Variants in NGEF observed in about 807,000 individuals in gnomAD.
NGEF encodes ephexin-1.
NGEF carries 31 observed loss-of-function variants against 80.9 expected under a neutral mutation model. The ratio of observed to expected loss-of-function variants is 0.38; its 90% CI spans 0.29 to 0.52. The LOEUF (loss-of-function observed/expected upper bound fraction) is 0.52. Among genes scored for constraint, NGEF ranks in the 20% least tolerant of loss-of-function variants. The probability of loss-of-function intolerance (pLI) is 0.84; values close to 1 mark genes in which losing one functional copy is unlikely to be tolerated. For synonymous variants in NGEF, 371 were observed against 370.2 expected (o/e 1.00, Z -0.03); for missense variants, 709 against 926.2 (o/e 0.77, Z 3.04).
intron 5 of NGEF, among the ~76,000 whole-genome samples, chr2:232,899,408 G>C (rs377048554): frequency 6.6e-6 from 1 of 152,238 alleles, no homozygotes. Context: ...CCCATTCCTG[G>C]CCTGGATTCC....
chr2:232,976,815 GGACCCAGCAATACCT>G (rs1694304655), intron 1 of NGEF, among the ~76,000 whole-genome samples: 1 of 152,208 alleles, frequency 6.6e-6, no homozygotes, highest in South Asian at 2.1e-4. Context: ...GTCGTCTGGG[GGACCCAGCAATACCT>G]GACCCTTCTG....
chr2:232,990,013 T>A (rs1369734732), intron 1 of NGEF, among the ~76,000 whole-genome samples: 1 of 152,162 alleles, frequency 6.6e-6, no homozygotes, highest in Admixed American at 6.5e-5. Flanking sequence ...ATGCTCCCAA[T>A]AAGAGTATGG....
At position 232,892,052 on chromosome 2, in the gene NGEF, G is replaced by A. The variant is rs908710871; in HGVS notation, c.1143-565C>T. ...TGTCACTCAGCCTCTGTGCTCACAC[G>A]GCCTGGCGGGGGCCACAGCGGCAGG... is the stretch of plus-strand genomic sequence containing the variant. On this transcript the variant is annotated intron_variant, in intron 7 of 14. Transcript: ENST00000264051. The surrounding 1 kb of genome is among the most constrained non-coding windows in gnomAD (Gnocchi z 4.0). 4.6e-5 allele frequency among the ~76,000 whole-genome samples: 7 copies of A among 152,360 alleles called. No individual in the cohort carries two copies. Among genetic ancestry groups the A allele is most frequent in the African/African-American group, 1.4e-4 (6 of 41,578 alleles).
At chr2:232,963,425 A>G (rs1226293266) in intron 3 of NGEF, among the ~76,000 whole-genome samples, 1 of 151,998 alleles carries the variant, frequency 6.6e-6, no homozygotes, top group Non-Finnish European at 1.5e-5. Context: ...CATGACTTCA[A>G]AGTGGTCTAC....
chr2:232,953,042 G>T (rs1338659143), intron 3 of NGEF, among the ~76,000 whole-genome samples: 1 of 145,450 alleles, frequency 6.9e-6, no homozygotes, highest in Non-Finnish European at 1.5e-5. Flanking sequence ...AGTGGCTCAC[G>T]CCTGTAATCC....
intron 1 of NGEF, among the ~76,000 whole-genome samples, chr2:233,000,205 C>A (rs1005616150): frequency 5.9e-5 from 9 of 152,198 alleles, no homozygotes; most frequent in Admixed American, 5.2e-4. Flanking sequence ...AAGCGATCTT[C>A]CCGCCTCAGT....
chr2:232,916,645 G>GT (rs1393231399), intron 5 of NGEF, among the ~76,000 whole-genome samples: 1 of 152,170 alleles, frequency 6.6e-6, no homozygotes, highest in Non-Finnish European at 1.5e-5. Context: ...AACGGGCAGG[G>GT]TAAGACAAGA....
intron 1 of NGEF, among the ~76,000 whole-genome samples, chr2:233,010,140 G>T (rs1001382415): frequency 6.6e-6 from 1 of 152,040 alleles, no homozygotes; most frequent in Admixed American, 6.6e-5. Context: ...TAATCCATGC[G>T]CCTCAGCCTC....
At chr2:232,927,003 G>A in intron 4 of NGEF, 41 bp downstream of exon 4, 1 of 1,613,662 alleles carries the variant, frequency 6.2e-7, no homozygotes, top group Non-Finnish European at 8.5e-7. Context: ...CCAGGGACCC[G>A]CGTTTCCCAA....
At position 233,002,687 on chromosome 2, in the gene NGEF, G is replaced by A. The variant is rs142152175; in HGVS notation, c.-75+10381C>T. Among the ~76,000 whole-genome samples the A allele has an allele frequency of 8.4e-4, 128 of 152,204 alleles. 3 individuals are homozygous for A. Among genetic ancestry groups the A allele is most frequent in the African/African-American group, 3.0e-3 (124 of 41,522 alleles). On this transcript the variant is annotated intron_variant, in intron 1 of 14. Transcript: ENST00000264051. Reference sequence around the variant, plus strand: ...CCCTGTCACACACACACAGAATATTGTAAATGTAGAAAGCAATTGATTGAC... The same window carrying A: ...CCCTGTCACACACACACAGAATATTATAAATGTAGAAAGCAATTGATTGAC...
chr2:232,998,411 G>T (rs1000596720), intron 1 of NGEF, among the ~76,000 whole-genome samples: 1 of 152,138 alleles, frequency 6.6e-6, no homozygotes, highest in Non-Finnish European at 1.5e-5. Flanking sequence ...GTGGAGCATG[G>T]CGCATGTGCT....
Position 232,882,218 on chromosome 2 carries a change from G to A in NGEF, c.1805C>T (p.Thr602Ile), listed in dbSNP as rs746642364. ...WMTSLAPNRR[T>I]KFVSFTSRLL... ...CCGGGATGTGAACGAAACAAACTTGGTCCTCCTGTTGGGGGCCAGTGAGGT... is the reference window on the plus strand; with the variant it reads ...CCGGGATGTGAACGAAACAAACTTGATCCTCCTGTTGGGGGCCAGTGAGGT... The change falls in exon 13 of 15, where the codon ACC (threonine) becomes ATC (isoleucine). Residue 602 changes from threonine to isoleucine, a missense_variant. Thr to Ile is a moderately conservative substitution (Grantham distance 89, BLOSUM62 -1). Coordinates refer to ENST00000264051, the MANE Select transcript of NGEF (RefSeq NM_019850.3). The A allele has an allele frequency of 6.2e-7, 1 of 1,613,818 alleles. No individual in the cohort carries two copies. Among genetic ancestry groups the A allele is most frequent in the Non-Finnish European group, 8.5e-7 (1 of 1,179,938 alleles).
At chr2:232,918,443 G>A (rs977874040) in intron 5 of NGEF, among the ~76,000 whole-genome samples, 2 of 151,878 alleles carry the variant, frequency 1.3e-5, no homozygotes, top group Non-Finnish European at 2.9e-5. Context: ...AGTGTAAGCC[G>A]TTTGCATTAT....
chr2:232,921,201 A>G (rs2106277186), intron 4 of NGEF, among the ~76,000 whole-genome samples: 1 of 152,242 alleles, frequency 6.6e-6, no homozygotes, highest in Admixed American at 6.5e-5. Context: ...CAAATGTAGC[A>G]CCTCCAAAGG....
rs147568465 is a variant in NGEF at position 232,970,968 on chromosome 2, A to G, written c.269-640T>C. On this transcript the variant is annotated intron_variant, in intron 2 of 14. Transcript: ENST00000264051. Reference sequence around the variant, plus strand: ...ACGATTGGTGTTATTTCTACTGGTCAAAAATCACTGGCAACTTGCCAATTT... The same window carrying G: ...ACGATTGGTGTTATTTCTACTGGTCGAAAATCACTGGCAACTTGCCAATTT... Among the ~76,000 whole-genome samples, 59 of 152,358 alleles carry G rather than the reference A, an allele frequency of 3.9e-4. No individual in the cohort carries two copies. The East Asian group carries it at 0.011, about 27-fold the overall frequency.
chr2:232,906,357 C>T (rs1205486102), intron 5 of NGEF, among the ~76,000 whole-genome samples: 1 of 136,510 alleles, frequency 7.3e-6, no homozygotes, highest in Non-Finnish European at 1.6e-5. Context: ...GGGGGGTCAG[C>T]CCCCCGCCCG....
At chr2:232,888,532 T>C (rs1691777744) in intron 8 of NGEF, among the ~76,000 whole-genome samples, 1 of 112,476 alleles carries the variant, frequency 8.9e-6, no homozygotes, top group African/African-American at 3.5e-5. Flanking sequence ...TGCGCACACA[T>C]ACATGCATGC....
chr2:232,960,583 C>T (rs955013816), intron 3 of NGEF, among the ~76,000 whole-genome samples: 3 of 152,178 alleles, frequency 2.0e-5, no homozygotes, highest in African/African-American at 7.2e-5. Flanking sequence ...AGGCACCAAA[C>T]TGTATTGAGT....
intron 3 of NGEF, chr2:232,928,234 G>C (rs1237294574): frequency 1.1e-6 from 1 of 942,818 alleles, no homozygotes. Context: ...CGGCGGGGGC[G>C]AGGCCGGGCG....
Sources: allele counts gnomAD v4.1 joint callset (sites outside exome capture counted in the v4.1 genomes callset), GRCh38; gene constraint gnomAD v4.1.1; non-coding constraint Gnocchi (gnomAD v3.1); transcripts MANE v1.5; gene names NCBI Gene and HGNC (gene_info 2026-07-23, HGNC 2026-07-21).